PGAP4: variants seen among roughly 807,000 people sequenced by gnomAD.
The protein encoded by PGAP4 is GPI-N-acetylgalactosamine transferase PGAP4.
Under a neutral mutation model 28.2 loss-of-function variants are expected in PGAP4, and 12 were observed. The observed-to-expected ratio is 0.42, with a 90% CI of 0.27 to 0.69. The LOEUF is 0.69. PGAP4 is among the 30% of genes least tolerant of loss of function. The pLI is 0.22. For synonymous variants in PGAP4, 205 were observed against 211.8 expected, an observed-to-expected ratio of 0.97 and a Z score of 0.28; for missense variants, 425 against 513.5, an observed-to-expected ratio of 0.83 and a Z score of 1.67.
Position 101,475,989 on chromosome 9 carries a change from C to T in PGAP4, c.1104G>A (p.Ser368=), listed in dbSNP as rs747784678. Residue 368 remains serine, a synonymous_variant, in exon 2 of 2, where the codon TCG becomes TCA. Transcript: ENST00000374848. ...KGFGKDMALY[S]LLRAKGERAY... ...CCCTCTCTCCCTTGGCCCTCAACAG[C>T]GAGTACAGTGCCATGTCCTTGCCAA... 16 of 1,614,028 alleles carry T rather than the reference C, an allele frequency of 9.9e-6. No homozygotes were observed. The highest frequency in any genetic ancestry group is 6.6e-5 in the South Asian group (6 of 91,084).
chr9:101,501,064 T>C (rs1826793564), intron 2 of PGAP4, among the ~76,000 whole-genome samples: 1 of 152,058 alleles, frequency 6.6e-6, no homozygotes, highest in African/African-American at 2.4e-5. Context: ...CACAACTCAT[T>C]GTAAAAAAGT....
At chr9:101,482,098 TA>T (rs371566622) in intron 1 of PGAP4, among the ~76,000 whole-genome samples, 29 of 152,254 alleles carry the variant, frequency 1.9e-4, no homozygotes, top group African/African-American at 6.0e-4. Flanking sequence ...TCAATTTGTA[TA>T]AAAAAATCAT....
chr9:101,509,093 A>G (rs1826874331), intron 2 of PGAP4, among the ~76,000 whole-genome samples: 1 of 152,180 alleles, frequency 6.6e-6, no homozygotes, highest in South Asian at 2.1e-4. Flanking sequence ...GACAAAGTCA[A>G]TTCACCTGGC....
chr9:101,524,955 G>A (rs539459642), intron 2 of PGAP4, among the ~76,000 whole-genome samples: 7 of 152,296 alleles, frequency 4.6e-5, no homozygotes, highest in East Asian at 3.9e-4. Context: ...TGCTCTGTCC[G>A]GAGCGGCAAT....
intron 2 of PGAP4, among the ~76,000 whole-genome samples, chr9:101,495,557 T>C (rs1401124829): frequency 6.8e-6 from 1 of 146,404 alleles, no homozygotes; most frequent in Non-Finnish European, 1.5e-5. Context: ...ATTTTGAACC[T>C]AGGGAAACCT....
chr9:101,495,676 TAG>T (rs970432779), intron 2 of PGAP4, among the ~76,000 whole-genome samples: 8 of 149,992 alleles, frequency 5.3e-5, no homozygotes, highest in African/African-American at 1.9e-4. Flanking sequence ...CTTAAAAAAA[TAG>T]AGTTTTAAAG....
intron 2 of PGAP4, among the ~76,000 whole-genome samples, chr9:101,506,214 G>A (rs1201843063): frequency 6.6e-6 from 1 of 152,024 alleles, no homozygotes; most frequent in African/African-American, 2.4e-5. Context: ...GCCGCTACCA[G>A]TTATGCATTT....
intron 2 of PGAP4, among the ~76,000 whole-genome samples, chr9:101,518,068 T>C (rs544183790): frequency 3.9e-5 from 6 of 152,188 alleles, no homozygotes; most frequent in Admixed American, 3.3e-4. Context: ...CATTGTCTAT[T>C]GTTTCCATCT....
chr9:101,526,895 G>A (rs1469161885), intron 2 of PGAP4, among the ~76,000 whole-genome samples: 1 of 152,206 alleles, frequency 6.6e-6, no homozygotes, highest in African/African-American at 2.4e-5. Context: ...GTACCAACCA[G>A]AACTATGCTT....
intron 2 of PGAP4, among the ~76,000 whole-genome samples, chr9:101,520,313 C>T (rs920480753): frequency 2.0e-5 from 3 of 152,158 alleles, no homozygotes; most frequent in African/African-American, 4.8e-5. Context: ...AGTATGGCCA[C>T]TTTCACAATA....
chr9:101,511,985 A>G (rs1204209512), intron 2 of PGAP4, among the ~76,000 whole-genome samples: 1 of 152,134 alleles, frequency 6.6e-6, no homozygotes, highest in Non-Finnish European at 1.5e-5. Flanking sequence ...CAAAAACTCA[A>G]AGAAATGTGT....
intron 2 of PGAP4, among the ~76,000 whole-genome samples, chr9:101,494,548 T>A (rs1826719755): frequency 6.6e-6 from 1 of 151,892 alleles, no homozygotes; most frequent in Non-Finnish European, 1.5e-5. Flanking sequence ...TTTTGTTTTG[T>A]TTAATCCTGA....
chr9:101,501,568 G>C lies in PGAP4; in HGVS notation c.-164-12368C>G, dbSNP rs1214929093. 9.4e-6 allele frequency: 4 copies of C among 426,854 alleles called. No individual in the cohort carries two copies. The East Asian group carries it at 2.8e-4, about 30-fold the overall frequency. 26.4% of individuals were successfully genotyped at this position (426,854 alleles called of 1,614,324 possible). The stretch of plus-strand genomic sequence containing the variant: ...TGCATTTAGAGGAGAAATATTTCCT[G>C]GTTAAGTGGAAAATTGTGTGGATTG... On this transcript the variant is annotated intron_variant, in intron 2 of 3. Coordinates refer to the PGAP4 transcript ENST00000374851.
intron 2 of PGAP4, among the ~76,000 whole-genome samples, chr9:101,505,593 T>A (rs1826842760): frequency 6.6e-6 from 1 of 152,104 alleles, no homozygotes; most frequent in Admixed American, 6.6e-5. Context: ...TATAGTTTCC[T>A]TATAAGAAAC....
At chr9:101,532,920 A>G (rs571470635) in exon 1 of PGAP4, 1 of 152,286 alleles carries the variant, frequency 6.6e-6, no homozygotes, top group South Asian at 2.1e-4. Flanking sequence ...TCTATTTTTT[A>G]AAAAAGATAT....
upstream of PGAP4, among the ~76,000 whole-genome samples, chr9:101,490,420 C>T (rs1015117902): frequency 6.6e-6 from 1 of 152,132 alleles, no homozygotes; most frequent in Middle Eastern, 3.4e-3. Flanking sequence ...AAACTCCTGA[C>T]CTGAAGTGAT....
Position 101,493,440 on chromosome 9 carries a change from G to A in PGAP4, c.-164-4240C>T, listed in dbSNP as rs966047337. Among the ~76,000 whole-genome samples the A allele has an allele frequency of 1.1e-4, 16 of 152,044 alleles. No homozygotes were observed. In the East Asian group the frequency reaches 2.1e-3, roughly 20 times the overall value. On this transcript the variant is annotated intron_variant, in intron 2 of 3. Coordinates refer to the PGAP4 transcript ENST00000374851. Reference sequence around the variant, plus strand: ...AGTTTATACTCAGATTGATCATTACGCATTCTATGCATGCAACAAAATATC... The same window carrying A: ...AGTTTATACTCAGATTGATCATTACACATTCTATGCATGCAACAAAATATC...
intron 2 of PGAP4, among the ~76,000 whole-genome samples, chr9:101,504,209 GTTTTTTTTTTTTTTTTT>G (rs3081858): frequency 8.8e-5 from 2 of 22,692 alleles, no homozygotes; most frequent in East Asian, 1.9e-3. Context: ...GTGTGTGTTT[GTTTTTTTTTTTTTTTTT>G]TTTTTTTTTT....
upstream of PGAP4, among the ~76,000 whole-genome samples, chr9:101,491,282 T>TCCC (rs1223312047): frequency 6.6e-6 from 1 of 151,976 alleles, no homozygotes; most frequent in East Asian, 1.9e-4. Flanking sequence ...AAATGGTTAT[T>TCCC]CCCCCCCGAT....
Sources: allele counts gnomAD v4.1 joint callset (sites outside exome capture counted in the v4.1 genomes callset), GRCh38; gene constraint gnomAD v4.1.1; transcripts MANE v1.5; gene names NCBI Gene and HGNC (gene_info 2026-07-23, HGNC 2026-07-21).